Variants in PDE1A observed in about 807,000 individuals in gnomAD.
PDE1A encodes the protein dual specificity calcium/calmodulin-dependent 3',5'-cyclic nucleotide phosphodiesterase 1A.
In PDE1A, 35 loss-of-function variants were observed where a neutral mutation model predicts 61.7. That is an observed-to-expected ratio of 0.57 (90% CI 0.43 to 0.75). The LOEUF (loss-of-function observed/expected upper bound fraction) is 0.75. Ranked by LOEUF, PDE1A falls within the 30% of genes least tolerant of loss-of-function variation. PDE1A has a pLI of 0.00. For synonymous variants in PDE1A, 232 were observed against 213.2 expected (o/e 1.09, Z -0.77); for missense variants, 597 against 630.6 (o/e 0.95, Z 0.57).
intron 1 of PDE1A, among the ~76,000 whole-genome samples, chr2:182,402,687 T>C (rs1702073755): frequency 6.6e-6 from 1 of 152,108 alleles, no homozygotes; most frequent in African/African-American, 2.4e-5. Flanking sequence ...GAGATCTAAT[T>C]AAACTAAAGA....
At chr2:182,304,658 A>C (rs1380303411) in intron 1 of PDE1A, among the ~76,000 whole-genome samples, 1 of 152,190 alleles carries the variant, frequency 6.6e-6, no homozygotes, top group Admixed American at 6.5e-5. Context: ...TGTCTCAAAG[A>C]ATAGGAAGGC....
At chr2:182,396,329 G>A (rs1183181150) in intron 1 of PDE1A, among the ~76,000 whole-genome samples, 1 of 152,244 alleles carries the variant, frequency 6.6e-6, no homozygotes, top group East Asian at 1.9e-4. Flanking sequence ...ACCTGGTTGT[G>A]CACTTTGCTT....
chr2:182,670,827 G>C, the PDE1A span, among the ~76,000 whole-genome samples: 1 of 152,142 alleles, frequency 6.6e-6, no homozygotes, highest in African/African-American at 2.4e-5. Context: ...TTAGAGGGGA[G>C]GCGGGTGGTG....
Position 182,239,429 on chromosome 2 carries a change from T to C in PDE1A, c.350+681A>G, listed in dbSNP as rs1011070711. Among the ~76,000 whole-genome samples, 3 of 152,188 alleles carry C rather than the reference T, an allele frequency of 2.0e-5. No individual in the cohort carries two copies. The South Asian group carries it at 6.2e-4, about 32-fold the overall frequency. ...AATGTCTATTTTGGCGAGTCTTTTGTAGTTTTAGTTCTAGGAAATATCTTG... is the reference window on the plus strand; with the variant it reads ...AATGTCTATTTTGGCGAGTCTTTTGCAGTTTTAGTTCTAGGAAATATCTTG... On this transcript the variant is annotated intron_variant, in intron 3 of 13. Transcript: ENST00000351439.
chr2:182,604,586 G>A, the PDE1A span, among the ~76,000 whole-genome samples: 1 of 152,070 alleles, frequency 6.6e-6, no homozygotes, highest in African/African-American at 2.4e-5. Context: ...AATGAAAGAA[G>A]TTACAGGTTT....
intron 7 of PDE1A, among the ~76,000 whole-genome samples, chr2:182,211,195 T>TAACACATTCAAACCATAGCAGTC (rs1559191072): frequency 2.0e-5 from 3 of 152,104 alleles, no homozygotes; most frequent in Non-Finnish European, 4.4e-5. Context: ...CCATAGCAGT[T>TAACACATTCAAACCATAGCAGTC]TGTGTCTAGA....
chr2:182,153,104 C>T (rs189288290), intron 13 of PDE1A, among the ~76,000 whole-genome samples: 12 of 152,076 alleles, frequency 7.9e-5, no homozygotes, highest in South Asian at 2.1e-4. Flanking sequence ...AGGTGATCTA[C>T]GGAAAATGAA....
the PDE1A span, among the ~76,000 whole-genome samples, chr2:182,663,302 AG>A: frequency 6.6e-6 from 1 of 152,198 alleles, no homozygotes; most frequent in African/African-American, 2.4e-5. Context: ...AAACCATTCA[AG>A]CCAGCAATTC....
chr2:182,544,547 T>G, the PDE1A span, among the ~76,000 whole-genome samples: 4 of 152,174 alleles, frequency 2.6e-5, no homozygotes, highest in Non-Finnish European at 5.9e-5. Context: ...CCTGCTCTGG[T>G]GACAAGAAAT....
At chr2:182,484,214 A>G (rs187830973) in intron 2 of PDE1A, among the ~76,000 whole-genome samples, 1 of 152,040 alleles carries the variant, frequency 6.6e-6, no homozygotes, top group Admixed American at 6.6e-5. Context: ...TTTTTCATCA[A>G]CTAGAGGTGG....
At chr2:182,610,192 C>A in the PDE1A span, among the ~76,000 whole-genome samples, 6 of 152,138 alleles carry the variant, frequency 3.9e-5, no homozygotes, top group East Asian at 1.2e-3. Context: ...TTAGACCATA[C>A]CCTTTTTGTC....
At chr2:182,678,727 A>G in the PDE1A span, among the ~76,000 whole-genome samples, 3 of 152,182 alleles carry the variant, frequency 2.0e-5, no homozygotes, top group Non-Finnish European at 4.4e-5. Flanking sequence ...ATAAAATGCT[A>G]AAAATATACT....
intron 1 of PDE1A, among the ~76,000 whole-genome samples, chr2:182,340,508 A>G (rs1223047150): frequency 6.6e-6 from 1 of 152,198 alleles, no homozygotes; most frequent in Non-Finnish European, 1.5e-5. Context: ...AAAACTGCAG[A>G]AAATGGGAAG....
intron 1 of PDE1A, among the ~76,000 whole-genome samples, chr2:182,266,494 G>T (rs889764364): frequency 6.6e-6 from 1 of 152,126 alleles, no homozygotes; most frequent in Non-Finnish European, 1.5e-5. Context: ...AAAATTACTT[G>T]AGTTCAGCTT....
At chr2:182,404,509 CT>C (rs1200885896) in intron 1 of PDE1A, among the ~76,000 whole-genome samples, 5 of 152,188 alleles carry the variant, frequency 3.3e-5, no homozygotes, top group African/African-American at 9.7e-5. Flanking sequence ...ATTTTACAAA[CT>C]TTTAAATTAA....
At chr2:182,562,636 C>G in the PDE1A span, among the ~76,000 whole-genome samples, 19 of 152,026 alleles carry the variant, frequency 1.2e-4, no homozygotes, top group Admixed American at 3.9e-4. Context: ...AATGGTACCA[C>G]TTCCTCCTTG....
intron 13 of PDE1A, among the ~76,000 whole-genome samples, chr2:182,184,007 G>GAAGA (rs36010429): frequency 0.12 from 16,263 of 134,196 alleles, 1,082 homozygotes; most frequent in African/African-American, 0.17. Flanking sequence ...GAAAGGAAGA[G>GAAGA]AAGAAAGAAA....
At chr2:182,318,455 A>G (rs1696486497) in intron 1 of PDE1A, among the ~76,000 whole-genome samples, 1 of 152,180 alleles carries the variant, frequency 6.6e-6, no homozygotes, top group South Asian at 2.1e-4. Context: ...TCCTTCATTT[A>G]GAAAGATCAA....
chr2:182,327,992 C>T (rs962606548), intron 1 of PDE1A, among the ~76,000 whole-genome samples: 2 of 152,190 alleles, frequency 1.3e-5, no homozygotes, highest in Non-Finnish European at 2.9e-5. Context: ...AACAGGCAGG[C>T]TCTTCTACGT....
Sources: allele counts gnomAD v4.1 joint callset (sites outside exome capture counted in the v4.1 genomes callset), GRCh38; gene constraint gnomAD v4.1.1; transcripts MANE v1.5; gene names NCBI Gene and HGNC (gene_info 2026-07-23, HGNC 2026-07-21).